Variants in GNB5 observed in about 807,000 individuals in gnomAD.
GNB5 encodes G protein subunit beta 5, also known as guanine nucleotide-binding protein subunit beta-5.
In GNB5, 37 loss-of-function variants were observed where a neutral mutation model predicts 55.3. The ratio of observed to expected loss-of-function variants is 0.67; its 90% confidence interval spans 0.51 to 0.88. The LOEUF (loss-of-function observed/expected upper bound fraction) is 0.88. Ranked by LOEUF, GNB5 falls within the 40% of genes least tolerant of loss-of-function variation. The pLI is 0.00. For missense variants in GNB5, 476 were observed against 515.3 expected (o/e 0.92, Z 0.74); for synonymous variants, 219 against 198.5 (o/e 1.10, Z -0.87).
intron 6 of GNB5, 200 bp downstream of exon 6, chr15:52,147,259 T>A: frequency 3.8e-5 from 15 of 399,726 alleles, no homozygotes; most frequent in East Asian, 1.3e-4. Flanking sequence ...CACCTCAGCC[T>A]CCCAGGTGGC....
At chr15:52,124,133 G>A (rs1324995504) in intron 12 of GNB5, among the ~76,000 whole-genome samples, 2 of 152,066 alleles carry the variant, frequency 1.3e-5, no homozygotes, top group Non-Finnish European at 2.9e-5. Context: ...TATAGGAGGA[G>A]AGACTGGTTA....
chr15:52,144,798 T>G (rs1290243022), intron 6 of GNB5, among the ~76,000 whole-genome samples: 1 of 152,088 alleles, frequency 6.6e-6, no homozygotes, highest in Non-Finnish European at 1.5e-5. Context: ...TCAGAGGAGC[T>G]TCCCCAGCTG....
chr15:52,123,152 A>G (rs2033318065), intron 12 of GNB5, among the ~76,000 whole-genome samples: 1 of 152,246 alleles, frequency 6.6e-6, no homozygotes, highest in Non-Finnish European at 1.5e-5. Context: ...CTTACCCAGG[A>G]AGATGAACTC....
chr15:52,168,113 CCACTCCTATTCAATAT>C, intron 3 of GNB5, among the ~76,000 whole-genome samples: 1 of 152,230 alleles, frequency 6.6e-6, no homozygotes, highest in African/African-American at 2.4e-5. Flanking sequence ...CCCTCTCTCT[CCACTCCTATTCAATAT>C]AGTACTGGAA....
chr15:52,178,374 T>C (rs1034524765), intron 3 of GNB5, among the ~76,000 whole-genome samples: 1 of 152,210 alleles, frequency 6.6e-6, no homozygotes, highest in Admixed American at 6.5e-5. Flanking sequence ...TTTGCTTTCT[T>C]GATAGGGAGC....
Position 52,184,650 on chromosome 15 carries a change from A to G in GNB5, c.27T>C (p.Asn9=), listed in dbSNP as rs2141243720. Residue 9 remains asparagine (N), a synonymous_variant, in exon 2 of 13, where the codon AAT becomes AAC. Coordinates refer to ENST00000261837, the MANE Select transcript of GNB5 (RefSeq NM_016194.4). MCDQTFLV[N]VFGSCDKCFK... Reference sequence around the variant, plus strand: ...AACATTTGTCACATGAGCCAAATACATTAACGAGAAAGGTCTGATCACACA... The same window carrying G: ...AACATTTGTCACATGAGCCAAATACGTTAACGAGAAAGGTCTGATCACACA... The G allele has an allele frequency of 2.5e-6, 4 of 1,613,772 alleles. No individual in the cohort carries two copies. The highest frequency in any genetic ancestry group is 4.5e-5 in the East Asian group (2 of 44,886).
At chr15:52,189,297 T>C (rs941583691) in intron 1 of GNB5, among the ~76,000 whole-genome samples, 1 of 152,222 alleles carries the variant, frequency 6.6e-6, no homozygotes, top group African/African-American at 2.4e-5. Flanking sequence ...CCCAGGATAC[T>C]TGAAAATGTA....
At chr15:52,175,471 G>T (rs998011943) in intron 3 of GNB5, among the ~76,000 whole-genome samples, 7 of 152,196 alleles carry the variant, frequency 4.6e-5, no homozygotes, top group Non-Finnish European at 1.0e-4. Context: ...AGGCACATTA[G>T]CTCACGCCTG....
chr15:52,130,258 T>C (rs1443174868), intron 9 of GNB5, among the ~76,000 whole-genome samples: 4 of 152,216 alleles, frequency 2.6e-5, no homozygotes, highest in Non-Finnish European at 5.9e-5. Flanking sequence ...ACCAAGGGCA[T>C]GCTAAGAGAA....
rs1389935070 is a variant in GNB5 at position 52,135,754 on chromosome 15, G to A, written c.630C>T (p.Ile210=). 1 of 1,611,968 alleles carries A rather than the reference G, an allele frequency of 6.2e-7. No homozygotes were observed. The highest frequency in any genetic ancestry group is 8.5e-7 in the Non-Finnish European group (1 of 1,179,780). Residue 210 remains isoleucine, a splice_region_variant and synonymous_variant, in exon 8 of 13, where the codon ATC becomes ATT. Transcript: ENST00000261837. Reference sequence around the variant, plus strand: ...ATGTGCCATCGCCGCTCGCTGTCAGGATCTGCCCGCAGAAAAGGACAGGAA... The same window carrying A: ...ATGTGCCATCGCCGCTCGCTGTCAGAATCTGCCCGCAGAAAAGGACAGGAA... ...ACSFTNSDMQ[I]LTASGDGTCA... is the part of the protein sequence containing the mutation.
chr15:52,188,314 A>T (rs1480514342), intron 1 of GNB5, among the ~76,000 whole-genome samples: 1 of 152,224 alleles, frequency 6.6e-6, no homozygotes, highest in Non-Finnish European at 1.5e-5. Flanking sequence ...AAGCATTTTT[A>T]AACTGTAAAT....
chr15:52,166,545 C>G (rs1209154031), intron 3 of GNB5, among the ~76,000 whole-genome samples: 1 of 152,144 alleles, frequency 6.6e-6, no homozygotes, highest in African/African-American at 2.4e-5. Flanking sequence ...CAAAACCACA[C>G]GACTACATGG....
chr15:52,124,695 A>C, intron 11 of GNB5, 56 bp from the exon 12 acceptor site: 1 of 1,440,558 alleles, frequency 6.9e-7, no homozygotes, highest in Non-Finnish European at 9.7e-7. Flanking sequence ...CCTGTTTCTC[A>C]TTACATGACT....
chr15:52,149,531 G>C (rs1415028805), intron 5 of GNB5: 2 of 564,652 alleles, frequency 3.5e-6, no homozygotes, highest in Non-Finnish European at 6.3e-6. Flanking sequence ...TCAAAGAGAG[G>C]GGAGAGAGAA....
chr15:52,126,022 G>A lies in GNB5; in HGVS notation c.935C>T (p.Ala312Val). The A allele has an allele frequency of 6.3e-7, 1 of 1,579,320 alleles. No individual in the cohort carries two copies. The part of the protein sequence containing the change: ...DATCRLYDLR[A>V]DREVAIYSKE... ...GGAATAGATGGCAACCTCCCTATCT[G>A]CCCGCAGGTCATAGAGGCGACACTG... The change falls in exon 11 of 13, where the codon GCA becomes GTA. Residue 312 changes from alanine (A) to valine (V), a missense_variant. Ala to Val is a moderately conservative substitution (Grantham distance 64, BLOSUM62 0). Transcript: ENST00000261837.
chr15:52,129,417 A>G (rs1282234785), intron 9 of GNB5, among the ~76,000 whole-genome samples: 3 of 152,214 alleles, frequency 2.0e-5, no homozygotes, highest in Admixed American at 6.5e-5. Flanking sequence ...ACTAACTTAC[A>G]TTGGCCTGAA....
intron 12 of GNB5, among the ~76,000 whole-genome samples, chr15:52,123,279 G>C (rs982178700): frequency 1.3e-5 from 2 of 152,050 alleles, no homozygotes; most frequent in Non-Finnish European, 2.9e-5. Flanking sequence ...GGACAATATA[G>C]AGCATCAAAT....
intron 3 of GNB5, among the ~76,000 whole-genome samples, chr15:52,165,333 C>A (rs1308595938): frequency 1.3e-5 from 2 of 152,136 alleles, no homozygotes; most frequent in Non-Finnish European, 2.9e-5. Flanking sequence ...GAAGACAGGG[C>A]AACGTTCAAA....
At chr15:52,127,416 T>A (rs1463393838) in intron 10 of GNB5, among the ~76,000 whole-genome samples, 1 of 152,208 alleles carries the variant, frequency 6.6e-6, no homozygotes, top group Admixed American at 6.5e-5. Context: ...TCCATTCGTA[T>A]CTACAGGATT....
Sources: gnomAD v4.1 joint callset for allele counts (sites outside exome capture counted in the v4.1 genomes callset) on GRCh38, gnomAD v4.1.1 for gene constraint, MANE v1.5 for transcripts, NCBI Gene and HGNC (gene_info 2026-07-23, HGNC 2026-07-21) for gene names.